ANKRD36: variants seen among roughly 807,000 people sequenced by gnomAD.
ANKRD36 encodes ankyrin repeat domain-containing protein 36A.
In ANKRD36, 179 loss-of-function variants were observed where a neutral mutation model predicts 278.1. The observed-to-expected ratio is 0.64, with a 90% CI of 0.57 to 0.73. The LOEUF (loss-of-function observed/expected upper bound fraction) is 0.73, where lower values mean the gene tolerates loss of function less well. Among genes scored for constraint, ANKRD36 ranks in the 30% least tolerant of loss-of-function variants. The probability of loss-of-function intolerance (pLI) is 0.00; values close to 1 mark genes in which losing one functional copy is unlikely to be tolerated. For missense variants in ANKRD36, 1,159 were observed against 1,956.7 expected (o/e 0.59, Z 7.69); for synonymous variants, 320 against 641.1 (o/e 0.50, Z 7.57).
At chr2:97,141,483 A>G (rs1404616278) in intron 6 of ANKRD36, among the ~76,000 whole-genome samples, 16 of 135,006 alleles carry the variant, frequency 1.2e-4, no homozygotes, top group Non-Finnish European at 2.2e-4. Flanking sequence ...GACTCTAAGT[A>G]TAACTGAACT....
chr2:97,217,086 A>C, intron 62 of ANKRD36, 91 bp from the exon 63 acceptor site: 1 of 1,544,594 alleles, frequency 6.5e-7, no homozygotes, highest in Non-Finnish European at 8.7e-7. Flanking sequence ...TACAGGCAGA[A>C]GGATACAGCT....
chr2:97,208,819 T>A (rs544401829), intron 54 of ANKRD36, among the ~76,000 whole-genome samples: 84 of 146,802 alleles, frequency 5.7e-4, no homozygotes, highest in Non-Finnish European at 1.1e-3. Context: ...AACACGATAC[T>A]CCCAACCAGA....
Position 97,191,197 on chromosome 2 carries a change from A to G in ANKRD36, c.2347+16A>G, listed in dbSNP as rs767468461. On this transcript the variant is annotated intron_variant, in intron 36 of 75. Coordinates refer to ENST00000420699, the MANE Select transcript of ANKRD36 (RefSeq NM_001354587.1). ...TCTGGGACAGGTAATTTTGCAAAAGACATTTAATGTCATATTCAGTCCAGA... is the reference window on the plus strand; with the variant it reads ...TCTGGGACAGGTAATTTTGCAAAAGGCATTTAATGTCATATTCAGTCCAGA... 1.9e-6 allele frequency: 3 copies of G among 1,575,922 alleles called. No individual in the cohort carries two copies. Among genetic ancestry groups the G allele is most frequent in the African/African-American group, 1.4e-5 (1 of 73,416 alleles).
chr2:97,199,355 T>A (rs555752731), intron 44 of ANKRD36, among the ~76,000 whole-genome samples: 391 of 151,954 alleles, frequency 2.6e-3, no homozygotes, highest in African/African-American at 8.9e-3. Flanking sequence ...TTGTTGATTT[T>A]AGTTATAAAA....
At chr2:97,188,370 A>G (rs1199028019) in intron 32 of ANKRD36, among the ~76,000 whole-genome samples, 3 of 151,508 alleles carry the variant, frequency 2.0e-5, no homozygotes, top group Admixed American at 6.6e-5. Context: ...TTGTAGAAGT[A>G]TGTCAAAATT....
chr2:97,115,483 G>A (rs1168895611), intron 1 of ANKRD36, among the ~76,000 whole-genome samples: 3 of 152,018 alleles, frequency 2.0e-5, no homozygotes, highest in Non-Finnish European at 2.9e-5. Flanking sequence ...ATAAAAAAGT[G>A]ATTTTCATTT....
intron 22 of ANKRD36, among the ~76,000 whole-genome samples, chr2:97,173,850 T>C (rs368631523): frequency 6.6e-6 from 1 of 151,708 alleles, no homozygotes; most frequent in South Asian, 2.1e-4. Flanking sequence ...ATACATGCTT[T>C]GTTCACATCA....
At chr2:97,226,941 T>C (rs2153664161) in intron 67 of ANKRD36, among the ~76,000 whole-genome samples, 1 of 152,136 alleles carries the variant, frequency 6.6e-6, no homozygotes, top group East Asian at 2.0e-4. Flanking sequence ...GTTGTAGATA[T>C]GCGGCGTTAT....
At chr2:97,229,897 A>C (rs1192624055) in intron 67 of ANKRD36, among the ~76,000 whole-genome samples, 2 of 152,002 alleles carry the variant, frequency 1.3e-5, no homozygotes, top group Non-Finnish European at 2.9e-5. Context: ...TCACTTATGA[A>C]GCTTAGTTTG....
At position 97,171,728 on chromosome 2, in the gene ANKRD36, A is replaced by C. The variant is rs190855891; in HGVS notation, c.1633+3961A>C. Among the ~76,000 whole-genome samples the C allele has an allele frequency of 1.0e-3, 158 of 151,862 alleles. 1 individual carries two copies. The highest frequency in any genetic ancestry group is 6.8e-3 in the Middle Eastern group (2 of 294). On this transcript the variant is annotated intron_variant, in intron 22 of 75. Coordinates refer to ENST00000420699, the MANE Select transcript of ANKRD36 (RefSeq NM_001354587.1). ...AAAAAAAAAAAGTGTTCTGTAAAAA[A>C]AAAAACAAAAACAAAAAAAACAAAA...
chr2:97,178,291 G>C lies in ANKRD36; in HGVS notation c.1634-1447G>C, dbSNP rs889600282. Among the ~76,000 whole-genome samples, 7 of 151,876 alleles carry C rather than the reference G, an allele frequency of 4.6e-5. 1 individual carries two copies. Among genetic ancestry groups the C allele is most frequent in the African/African-American group, 7.2e-5 (3 of 41,394 alleles). On this transcript the variant is annotated intron_variant, in intron 22 of 75. Transcript: ENST00000420699. The stretch of plus-strand genomic sequence containing the variant: ...GTGGAGATTCCTCAGTGATCTAGAA[G>C]TGGAAATACCATTTGACCCAGCCAT...
intron 28 of ANKRD36, among the ~76,000 whole-genome samples, chr2:97,184,184 A>G (rs957910337): frequency 1.3e-5 from 2 of 151,570 alleles, no homozygotes; most frequent in African/African-American, 2.4e-5. Context: ...TGCTGAGGAA[A>G]CCTGAGTGAA....
At chr2:97,218,121 G>GT (rs1460672201) in intron 64 of ANKRD36, among the ~76,000 whole-genome samples, 1 of 150,832 alleles carries the variant, frequency 6.6e-6, no homozygotes, top group South Asian at 2.1e-4. Flanking sequence ...TGAATATTTA[G>GT]TTTTTTTCCA....
intron 17 of ANKRD36, among the ~76,000 whole-genome samples, chr2:97,160,496 C>T (rs1052095246): frequency 6.6e-6 from 1 of 152,088 alleles, no homozygotes; most frequent in African/African-American, 2.4e-5. Flanking sequence ...ATCCTTTTGA[C>T]TTGATGTTTC....
At chr2:97,232,122 A>G (rs1193262269) in intron 67 of ANKRD36, among the ~76,000 whole-genome samples, 2 of 152,026 alleles carry the variant, frequency 1.3e-5, no homozygotes, top group Non-Finnish European at 2.9e-5. Flanking sequence ...GTAGGTAAAC[A>G]TAGATTAAGA....
rs766261146 is a variant in ANKRD36 at position 97,204,295 on chromosome 2, C to T, written c.3061+32C>T. The T allele has an allele frequency of 2.0e-6, 3 of 1,535,410 alleles. No homozygotes were observed. In the African/African-American group the frequency reaches 4.2e-5, roughly 22 times the overall value. ...TTGAAAAGAGATTTAATGTCATGTT[C>T]AGTGCAGATAGATAAGAAGTTCTCT... On this transcript the variant is annotated intron_variant, in intron 50 of 75. Transcript: ENST00000420699.
At position 97,184,138 on chromosome 2, in the gene ANKRD36, G is replaced by T. The variant is rs193261741; in HGVS notation, c.1939+484G>T. ...GAGGGATTGCAAGGCAAGAAAGAGG[G>T]GAAGGAAGAAGTTATTTATGTAATT... On this transcript the variant is annotated intron_variant, in intron 28 of 75. Coordinates refer to ENST00000420699, the MANE Select transcript of ANKRD36 (RefSeq NM_001354587.1). Among the ~76,000 whole-genome samples, 76 of 151,708 alleles carry T rather than the reference G, an allele frequency of 5.0e-4. 2 individuals carry two copies. In the East Asian group the frequency reaches 0.01, roughly 20 times the overall value.
chr2:97,161,474 GT>G (rs2048864522), intron 17 of ANKRD36, among the ~76,000 whole-genome samples: 2 of 151,850 alleles, frequency 1.3e-5, no homozygotes, highest in South Asian at 4.2e-4. Flanking sequence ...GTTCGTTTTT[GT>G]TTCTCTCTTC....
intron 18 of ANKRD36, among the ~76,000 whole-genome samples, chr2:97,162,650 C>G (rs2049254227): frequency 6.8e-6 from 1 of 147,444 alleles, no homozygotes; most frequent in Non-Finnish European, 1.5e-5. Flanking sequence ...ATTATTGCTG[C>G]TTTGGAGCTT....
Sources: gnomAD v4.1 joint callset for allele counts (sites outside exome capture counted in the v4.1 genomes callset) on GRCh38, gnomAD v4.1.1 for gene constraint, MANE v1.5 for transcripts, NCBI Gene and HGNC (gene_info 2026-07-23, HGNC 2026-07-21) for gene names.